DNAI1: variants seen among roughly 807,000 people sequenced by gnomAD.
DNAI1 encodes dynein, axonemal, intermediate polypeptide 1.
Under a neutral mutation model 92.0 loss-of-function variants are expected in DNAI1, and 67 were observed. The observed-to-expected ratio is 0.73, with a 90% CI of 0.60 to 0.89. DNAI1 has a LOEUF of 0.89. Among genes scored for constraint, DNAI1 ranks in the 40% least tolerant of loss-of-function variants. The probability of loss-of-function intolerance (pLI) is 0.00; values close to 1 mark genes in which losing one functional copy is unlikely to be tolerated. For missense variants in DNAI1, 839 were observed against 866.6 expected, an observed-to-expected ratio of 0.97 and a Z score of 0.40; for synonymous variants, 323 against 319.6, an observed-to-expected ratio of 1.01 and a Z score of -0.11.
At chr9:34,478,494 CTT>C (rs1489830143) in intron 1 of DNAI1, 6 of 152,194 alleles carry the variant, frequency 3.9e-5, no homozygotes, top group African/African-American at 1.4e-4. Context: ...TGACTGGTGA[CTT>C]TTATAAGAGC....
chr9:34,489,476 A>G (rs1824538130), intron 5 of DNAI1, 27 bp downstream of exon 5: 1 of 1,612,190 alleles, frequency 6.2e-7, no homozygotes, highest in Non-Finnish European at 8.5e-7. Context: ...TCCTGAAGCT[A>G]CAGCCCTGAG....
intron 8 of DNAI1, 23 bp from the exon 9 acceptor site, chr9:34,493,171 C>G (rs1824643195): frequency 6.2e-7 from 1 of 1,614,122 alleles, no homozygotes; most frequent in East Asian, 2.2e-5. Flanking sequence ...TACAATGATC[C>G]TTCTTATCTC....
chr9:34,493,992 G>A (rs748263607), intron 9 of DNAI1, among the ~76,000 whole-genome samples: 1 of 152,112 alleles, frequency 6.6e-6, no homozygotes, highest in African/African-American at 2.4e-5. Flanking sequence ...AGGGAGGGTC[G>A]CCACAGGGAG....
intron 8 of DNAI1, among the ~76,000 whole-genome samples, chr9:34,492,512 A>ATC (rs1824627212): frequency 4.5e-5 from 5 of 110,002 alleles, no homozygotes; most frequent in African/African-American, 1.6e-4. Context: ...ATATATATAT[A>ATC]TATATATATA....
At chr9:34,460,496 T>A (rs556220281) in intron 1 of DNAI1, among the ~76,000 whole-genome samples, 3 of 152,350 alleles carry the variant, frequency 2.0e-5, no homozygotes, top group Admixed American at 6.5e-5. Flanking sequence ...CTGTAGCAGA[T>A]GGACCTGACT....
chr9:34,471,135 A>C (rs2132044714), intron 1 of DNAI1, among the ~76,000 whole-genome samples: 1 of 152,296 alleles, frequency 6.6e-6, no homozygotes, highest in East Asian at 1.9e-4. Flanking sequence ...ACGCTGTATT[A>C]GAAAAGAAAG....
At chr9:34,514,832 A>AG in intron 18 of DNAI1, 93 bp downstream of exon 18, 1 of 1,359,102 alleles carries the variant, frequency 7.4e-7, no homozygotes. Context: ...TCCCATGCCT[A>AG]GGTCAGGAAG....
chr9:34,510,439 A>T (rs1443211874), intron 13 of DNAI1, among the ~76,000 whole-genome samples: 2 of 152,138 alleles, frequency 1.3e-5, no homozygotes, highest in Non-Finnish European at 2.9e-5. Context: ...GGTCTGCCCT[A>T]AGAAAATAAG....
chr9:34,500,903 T>G, intron 11 of DNAI1, 64 bp downstream of exon 11: 1 of 1,291,204 alleles, frequency 7.7e-7, no homozygotes, highest in South Asian at 1.2e-5. Flanking sequence ...AAACCCCCAG[T>G]ACCCCCTTCT....
intron 1 of DNAI1, among the ~76,000 whole-genome samples, chr9:34,480,136 T>G (rs1824321703): frequency 6.6e-6 from 1 of 152,172 alleles, no homozygotes; most frequent in Non-Finnish European, 1.5e-5. Context: ...CATTGAACCC[T>G]CCTGCAGTGC....
intron 1 of DNAI1, among the ~76,000 whole-genome samples, chr9:34,474,047 A>G (rs548615468): frequency 3.1e-4 from 47 of 152,120 alleles, no homozygotes; most frequent in Admixed American, 1.5e-3. Flanking sequence ...GTTATTTACT[A>G]TTGTACGATA....
chr9:34,467,071 T>C (rs1364027348), intron 1 of DNAI1, among the ~76,000 whole-genome samples: 1 of 152,204 alleles, frequency 6.6e-6, no homozygotes, highest in Admixed American at 6.5e-5. Context: ...TTCTCTTTGC[T>C]CAGCTCCTCC....
At position 34,506,825 on chromosome 9, in the gene DNAI1, C is replaced by G; in HGVS notation, c.1262C>G (p.Ser421Cys). 1 of 1,614,178 alleles carries G rather than the reference C, an allele frequency of 6.2e-7. No homozygotes were observed. Among genetic ancestry groups the G allele is most frequent in the Non-Finnish European group, 8.5e-7 (1 of 1,180,044 alleles). Residue 421 changes from serine to cysteine, a missense_variant, in exon 13 of 20, where the codon TCC (serine) becomes TGC (cysteine). By Grantham distance (112) the Ser-to-Cys change is moderately radical. Coordinates refer to ENST00000242317, the MANE Select transcript of DNAI1 (RefSeq NM_012144.4). ...CTCAAGAAGCCCCACTCCCAGCCCT[C>G]CTTCTGCAGCTCAGCCAAGTCTGGC... Reference protein sequence around the residue: ...YNLKKPHSQPSFCSSAKSGKH... With the variant: ...YNLKKPHSQPCFCSSAKSGKH...
In DNAI1 at chr9:34,512,310, C is replaced by A. The variant is rs183882473; in HGVS notation, c.1402-27C>A. Reference sequence around the variant, plus strand: ...CTAGCCCAACCCACGTGCCCTCCCCCCCACATCCCTCTGTCTGTGGCTACA... The same window carrying A: ...CTAGCCCAACCCACGTGCCCTCCCCACCACATCCCTCTGTCTGTGGCTACA... On this transcript the variant is annotated intron_variant, in intron 14 of 19. Transcript: ENST00000242317. 33 of 1,612,616 alleles carry A rather than the reference C, an allele frequency of 2.0e-5. No individual in the cohort carries two copies. In the East Asian group the frequency reaches 3.8e-4, roughly 19 times the overall value.
chr9:34,508,753 G>C (rs545496853), intron 13 of DNAI1, among the ~76,000 whole-genome samples: 1 of 152,164 alleles, frequency 6.6e-6, no homozygotes, highest in African/African-American at 2.4e-5. Flanking sequence ...AAAATGGGGC[G>C]TTGAGAAGAA....
At chr9:34,495,679 C>T (rs1587075552) in intron 9 of DNAI1, among the ~76,000 whole-genome samples, 2 of 152,168 alleles carry the variant, frequency 1.3e-5, no homozygotes, top group Admixed American at 6.5e-5. Flanking sequence ...TCTCACCAAG[C>T]ATCCAATTCC....
intron 1 of DNAI1, among the ~76,000 whole-genome samples, chr9:34,478,012 G>T (rs1008943597): frequency 7.1e-6 from 1 of 140,048 alleles, no homozygotes; most frequent in Admixed American, 7.8e-5. Context: ...TCAGCCACCT[G>T]AATAGCTGAC....
intron 6 of DNAI1, 66 bp downstream of exon 6, chr9:34,490,190 G>A: frequency 7.4e-6 from 12 of 1,613,252 alleles, no homozygotes; most frequent in Non-Finnish European, 9.3e-6. Context: ...GGCTTCATGG[G>A]TAACTTGGGA....
intron 4 of DNAI1, among the ~76,000 whole-genome samples, chr9:34,485,803 T>C (rs1340607968): frequency 6.6e-6 from 1 of 152,224 alleles, no homozygotes; most frequent in Non-Finnish European, 1.5e-5. Context: ...TTTTCTGATA[T>C]ATGTAACACA....
Sources: gnomAD v4.1 joint callset for allele counts (sites outside exome capture counted in the v4.1 genomes callset) on GRCh38, gnomAD v4.1.1 for gene constraint, MANE v1.5 for transcripts, NCBI Gene and HGNC (gene_info 2026-07-23, HGNC 2026-07-21) for gene names.